The following COL25A1 variants were observed in gnomAD, a reference collection of about 807,000 sequenced individuals.
COL25A1 encodes collagen alpha-1(XXV) chain.
A neutral mutation model predicts 128.4 loss-of-function variants in COL25A1; 103 were observed. The ratio of observed to expected loss-of-function variants is 0.80; its 90% CI spans 0.68 to 0.94. COL25A1 has a LOEUF of 0.94. Ranked by LOEUF, COL25A1 falls within the 40% of genes least tolerant of loss-of-function variation. The probability of loss-of-function intolerance (pLI) is 0.00; values close to 1 mark genes in which losing one functional copy is unlikely to be tolerated. For missense variants in COL25A1, 745 were observed against 840.0 expected (o/e 0.89, Z 1.40); for synonymous variants, 279 against 277.2 (o/e 1.01, Z -0.06).
intron 3 of COL25A1, among the ~76,000 whole-genome samples, chr4:109,246,982 A>T (rs192349715): frequency 9.8e-4 from 150 of 152,336 alleles, no homozygotes; most frequent in African/African-American, 3.5e-3. Flanking sequence ...ATAATAAAAG[A>T]CCTAAAACAA....
intron 37 of COL25A1, among the ~76,000 whole-genome samples, chr4:108,816,052 G>A (rs1731219498): frequency 6.6e-6 from 1 of 152,128 alleles, no homozygotes; most frequent in Non-Finnish European, 1.5e-5. Context: ...TCTGTGAACG[G>A]GGGTTATGAT....
At chr4:109,110,926 A>T (rs926701129) in intron 3 of COL25A1, among the ~76,000 whole-genome samples, 2 of 152,138 alleles carry the variant, frequency 1.3e-5, no homozygotes, top group Admixed American at 6.5e-5. Flanking sequence ...CATGATTCCA[A>T]TTCCAACTTC....
intron 3 of COL25A1, among the ~76,000 whole-genome samples, chr4:109,130,804 T>C (rs1030671092): frequency 2.0e-5 from 3 of 152,230 alleles, no homozygotes; most frequent in Non-Finnish European, 4.4e-5. Context: ...GTCATTAAAC[T>C]CTTTTGATCA....
intron 3 of COL25A1, among the ~76,000 whole-genome samples, chr4:109,145,725 C>G (rs755482996): frequency 6.6e-6 from 1 of 152,088 alleles, no homozygotes; most frequent in Non-Finnish European, 1.5e-5. Context: ...CCTCTAATCC[C>G]AGCTACTCAG....
At chr4:109,039,085 C>T (rs910995102) in intron 5 of COL25A1, among the ~76,000 whole-genome samples, 7 of 152,072 alleles carry the variant, frequency 4.6e-5, no homozygotes, top group African/African-American at 1.2e-4. Flanking sequence ...CACCTAAATC[C>T]ACCCCAGTCT....
At chr4:109,260,357 C>T (rs904890076) in intron 3 of COL25A1, among the ~76,000 whole-genome samples, 3 of 151,960 alleles carry the variant, frequency 2.0e-5, no homozygotes, top group Non-Finnish European at 2.9e-5. Flanking sequence ...GAAGGAGTAA[C>T]GATTTTGGAA....
In COL25A1 at chr4:109,198,294, TCACACACACA is replaced by T. The variant is rs112993547; in HGVS notation, c.367+102279_367+102288del. Among the ~76,000 whole-genome samples the T allele has an allele frequency of 4.9e-4, 71 of 144,048 alleles. 1 individual carries two copies. The highest frequency in any genetic ancestry group is 1.3e-3 in the African/African-American group (51 of 38,906). The allele number at this position is 144,048 out of a possible 152,430, so 94.5% of individuals were successfully genotyped here. A position where few individuals can be genotyped will look rare whatever the true frequency, so the allele number is the denominator to read the frequency against. On this transcript the variant is annotated intron_variant, in intron 3 of 37. Coordinates refer to ENST00000399132, the MANE Select transcript of COL25A1 (RefSeq NM_198721.4). ...ACCACATCAGACTCTGCATATTCAT[TCACACACACA>T]CACACACACACACACACACACACAC...
chr4:108,848,450 C>T lies in COL25A1; in HGVS notation c.1434+309G>A, dbSNP rs924716313. Among the ~76,000 whole-genome samples, 3 of 152,240 alleles carry T rather than the reference C, an allele frequency of 2.0e-5. No homozygotes were observed. In the East Asian group the frequency reaches 5.8e-4, roughly 29 times the overall value. ...ATTTTAATCTTGACATATTTGTATT[C>T]ACTGACAAAAATTAGGCTAGTTTTA... On this transcript the variant is annotated intron_variant, in intron 27 of 37. Transcript: ENST00000399132.
chr4:109,277,145 G>A (rs565013502), intron 3 of COL25A1, among the ~76,000 whole-genome samples: 25 of 152,092 alleles, frequency 1.6e-4, no homozygotes, highest in Non-Finnish European at 2.9e-4. Context: ...TTTGCTCCAG[G>A]AACAATATTG....
intron 3 of COL25A1, among the ~76,000 whole-genome samples, chr4:109,195,326 A>C (rs1454586917): frequency 6.6e-6 from 1 of 152,194 alleles, no homozygotes; most frequent in East Asian, 1.9e-4. Flanking sequence ...TGAGCTTCAT[A>C]AATGATTTTT....
chr4:108,879,679 T>G (rs1007211034), intron 19 of COL25A1, among the ~76,000 whole-genome samples: 3 of 152,208 alleles, frequency 2.0e-5, no homozygotes, highest in Admixed American at 2.0e-4. Context: ...ACTCCTGACC[T>G]CAAGTGATCC....
At chr4:109,276,641 G>C (rs1325460594) in intron 3 of COL25A1, among the ~76,000 whole-genome samples, 2 of 152,074 alleles carry the variant, frequency 1.3e-5, no homozygotes, top group Non-Finnish European at 2.9e-5. Flanking sequence ...TTAGCGGCTG[G>C]TGTCAGTCAT....
chr4:109,209,745 A>G (rs961568866), intron 3 of COL25A1, among the ~76,000 whole-genome samples: 3 of 152,100 alleles, frequency 2.0e-5, no homozygotes, highest in Non-Finnish European at 4.4e-5. Flanking sequence ...TTCATTGGAA[A>G]TACTTGCTCT....
chr4:109,077,638 C>A (rs1160545373), intron 3 of COL25A1, among the ~76,000 whole-genome samples: 3 of 152,156 alleles, frequency 2.0e-5, no homozygotes, highest in African/African-American at 7.2e-5. Flanking sequence ...GAGCAATGGG[C>A]AGCCATGGAT....
intron 3 of COL25A1, among the ~76,000 whole-genome samples, chr4:109,290,259 C>G (rs1267609427): frequency 6.6e-6 from 1 of 152,006 alleles, no homozygotes; most frequent in Non-Finnish European, 1.5e-5. Context: ...AATAAATGAA[C>G]CTTTTTTTTA....
chr4:108,919,509 TA>T (rs1193511552), intron 12 of COL25A1, among the ~76,000 whole-genome samples: 3 of 152,154 alleles, frequency 2.0e-5, no homozygotes, highest in African/African-American at 7.2e-5. Context: ...GCTTGGGGGA[TA>T]AAAAGTCTCT....
At chr4:109,286,571 A>T (rs1723912245) in intron 3 of COL25A1, among the ~76,000 whole-genome samples, 1 of 152,154 alleles carries the variant, frequency 6.6e-6, no homozygotes. Context: ...AATGATTCTC[A>T]ACTGGGAATG....
Position 108,847,613 on chromosome 4 carries a change from A to G in COL25A1, c.1434+1146T>C, listed in dbSNP as rs75531334. On this transcript the variant is annotated intron_variant, in intron 27 of 37. Transcript: ENST00000399132. ...AGAAGAAAAAAAAAAGCTAGCTACT[A>G]TATCTGTAGGAGCCATAATGTATAT... Among the ~76,000 whole-genome samples the G allele has an allele frequency of 8.3e-3, 1,258 of 152,192 alleles. 19 individuals are homozygous for G. Among genetic ancestry groups the G allele is most frequent in the African/African-American group, 0.028 (1,152 of 41,528 alleles).
intron 3 of COL25A1, 46 bp from the exon 4 acceptor site, chr4:109,050,225 C>T (rs778050636): frequency 9.5e-6 from 14 of 1,474,516 alleles, no homozygotes; most frequent in Non-Finnish European, 1.3e-5. Context: ...AATTCTTTTT[C>T]CTGGTTCCAA....
Sources: gnomAD v4.1 joint callset for allele counts (sites outside exome capture counted in the v4.1 genomes callset) on GRCh38, gnomAD v4.1.1 for gene constraint, MANE v1.5 for transcripts, NCBI Gene and HGNC (gene_info 2026-07-23, HGNC 2026-07-21) for gene names.